KCND3: variants seen among roughly 807,000 people sequenced by gnomAD.
The protein encoded by KCND3 is A-type voltage-gated potassium channel KCND3.
In KCND3, 9 loss-of-function variants were observed where a neutral mutation model predicts 51.1. That is an observed-to-expected ratio of 0.18 (90% confidence interval 0.11 to 0.31). The LOEUF (loss-of-function observed/expected upper bound fraction) is 0.31, where lower values mean the gene tolerates loss of function less well. Ranked by LOEUF, KCND3 falls within the 10% of genes least tolerant of loss-of-function variation. The pLI is 1.00. For missense variants in KCND3, 526 were observed against 903.8 expected (o/e 0.58, Z 5.36); for synonymous variants, 349 against 368.0 (o/e 0.95, Z 0.59).
intron 2 of KCND3, among the ~76,000 whole-genome samples, chr1:111,945,492 C>T (rs986490349): frequency 1.3e-5 from 2 of 152,202 alleles, no homozygotes; most frequent in African/African-American, 2.4e-5. Context: ...AACAATCCCA[C>T]GAAGCAGGCA....
At chr1:111,884,301 A>G (rs1363428724) in intron 2 of KCND3, among the ~76,000 whole-genome samples, 3 of 152,134 alleles carry the variant, frequency 2.0e-5, no homozygotes, top group Non-Finnish European at 4.4e-5. Flanking sequence ...TCCATTTGTC[A>G]AGGTTTTTCA....
chr1:111,837,466 C>T (rs1667117803), intron 2 of KCND3, among the ~76,000 whole-genome samples: 2 of 152,174 alleles, frequency 1.3e-5, no homozygotes, highest in Non-Finnish European at 2.9e-5. Flanking sequence ...TCATTATTAG[C>T]CCAATTTATA....
At chr1:111,881,647 C>A (rs1306129038) in intron 2 of KCND3, among the ~76,000 whole-genome samples, 1 of 152,192 alleles carries the variant, frequency 6.6e-6, no homozygotes, top group African/African-American at 2.4e-5. Context: ...CGGGGCAGCC[C>A]CTGGGGCAGG....
chr1:111,839,799 A>G (rs1373678649), intron 2 of KCND3, among the ~76,000 whole-genome samples: 1 of 152,270 alleles, frequency 6.6e-6, no homozygotes, highest in Non-Finnish European at 1.5e-5. Flanking sequence ...CACAAAGCTG[A>G]GATTCAACCA....
intron 2 of KCND3, among the ~76,000 whole-genome samples, chr1:111,883,416 G>A (rs879440338): frequency 1.3e-5 from 2 of 152,148 alleles, no homozygotes; most frequent in African/African-American, 4.8e-5. Flanking sequence ...CTTCTCTTTC[G>A]TTTTTGCCCT....
chr1:111,786,535 T>C (rs969807936), intron 3 of KCND3, among the ~76,000 whole-genome samples: 4 of 102,980 alleles, frequency 3.9e-5, no homozygotes, highest in Non-Finnish European at 6.0e-5. Flanking sequence ...TTTATTTTTC[T>C]TTTCAACAAA....
Position 111,803,892 on chromosome 1 carries a change from GACAA to G in KCND3, c.1107-16790_1107-16787del, listed in dbSNP as rs553521933. Among the ~76,000 whole-genome samples the G allele has an allele frequency of 5.3e-5, 8 of 152,184 alleles. 1 individual carries two copies. Among genetic ancestry groups the G allele is most frequent in the Admixed American group, 2.6e-4 (4 of 15,282 alleles). On this transcript the variant is annotated intron_variant, in intron 2 of 7. Transcript: ENST00000302127. ...AGGCCACTACTCATTTTGCGCATGT[GACAA>G]ACAGTCCTGCAAAATCCCTCCTGCC...
intron 2 of KCND3, among the ~76,000 whole-genome samples, chr1:111,839,187 T>C (rs1667213802): frequency 6.6e-6 from 1 of 152,240 alleles, no homozygotes; most frequent in Non-Finnish European, 1.5e-5. Flanking sequence ...TTGTTCCATG[T>C]GCTTTCTCAA....
intron 2 of KCND3, among the ~76,000 whole-genome samples, chr1:111,811,713 C>T (rs1665858680): frequency 6.6e-6 from 1 of 152,186 alleles, no homozygotes; most frequent in Admixed American, 6.5e-5. Context: ...CTACATAAGA[C>T]AAAGCCTTCA....
At chr1:111,980,284 AGAAGTAAAGG>A (rs995643828) in intron 2 of KCND3, among the ~76,000 whole-genome samples, 2 of 151,036 alleles carry the variant, frequency 1.3e-5, no homozygotes, top group African/African-American at 4.9e-5. Flanking sequence ...CAGACAGATA[AGAAGTAAAGG>A]GAATGCCCCA....
intron 2 of KCND3, among the ~76,000 whole-genome samples, chr1:111,811,302 C>T (rs1401584375): frequency 6.6e-6 from 1 of 152,140 alleles, no homozygotes; most frequent in East Asian, 1.9e-4. Context: ...TACATTGTCT[C>T]TGTGTCCTGT....
rs1308785952 is a variant in KCND3 at position 111,915,966 on chromosome 1, C to A, written c.1106+65655G>T. On this transcript the variant is annotated intron_variant, in intron 2 of 7. Coordinates refer to ENST00000302127, the MANE Select transcript of KCND3 (RefSeq NM_001378969.1). ...TAAAGAAAGGAGAAATAGACAAAAC[C>A]ACACCTATAGTTGAAAATTTAAGCA... Among the ~76,000 whole-genome samples, 92 of 151,484 alleles carry A rather than the reference C, an allele frequency of 6.1e-4. 1 individual carries two copies. Among genetic ancestry groups the A allele is most frequent in the Admixed American group, 5.7e-3 (86 of 15,208 alleles).
At chr1:111,967,105 A>T (rs911894991) in intron 2 of KCND3, among the ~76,000 whole-genome samples, 5 of 151,010 alleles carry the variant, frequency 3.3e-5, no homozygotes, top group African/African-American at 7.3e-5. Context: ...ACGCCATTGC[A>T]CTTCAGCTTG....
rs1664035387 is a variant in KCND3, at chr1:111,774,619, G to A, written c.*1458C>T. 2 of 152,248 alleles carry A rather than the reference G, an allele frequency of 1.3e-5. No homozygotes were observed. The highest frequency in any genetic ancestry group is 4.1e-4 in the South Asian group (2 of 4,834). 9.4% of individuals were successfully genotyped at this position (152,248 alleles called of 1,614,324 possible). A position where few individuals can be genotyped will look rare whatever the true frequency, so the allele number is the denominator to read the frequency against. Reference sequence around the variant, plus strand: ...GCATCTTCAGGGAGATCAGGCCGAAGCCTCTTCAGACATCAAGGCATCTTT... The same window carrying A: ...GCATCTTCAGGGAGATCAGGCCGAAACCTCTTCAGACATCAAGGCATCTTT... On this transcript the variant is annotated 3_prime_UTR_variant, in exon 8 of 8. Coordinates refer to ENST00000302127, the MANE Select transcript of KCND3 (RefSeq NM_001378969.1).
At chr1:111,800,644 A>T (rs951567970) in intron 2 of KCND3, among the ~76,000 whole-genome samples, 1 of 151,970 alleles carries the variant, frequency 6.6e-6, no homozygotes, top group Non-Finnish European at 1.5e-5. Flanking sequence ...CTATGGATGC[A>T]TTGGCTCAGA....
chr1:111,861,816 A>G (rs1366519265), intron 2 of KCND3, among the ~76,000 whole-genome samples: 3 of 152,216 alleles, frequency 2.0e-5, no homozygotes, highest in African/African-American at 7.2e-5. Flanking sequence ...TCCTTATGCC[A>G]TCTATCAGCG....
chr1:111,894,600 C>T (rs566374110), intron 2 of KCND3, among the ~76,000 whole-genome samples: 197 of 152,278 alleles, frequency 1.3e-3, no homozygotes, highest in African/African-American at 1.9e-3. Flanking sequence ...ACTCTCTTCC[C>T]GGGAATGAAG....
intron 1 of KCND3, among the ~76,000 whole-genome samples, chr1:111,983,992 C>T (rs901806316): frequency 1.6e-4 from 24 of 152,318 alleles, no homozygotes; most frequent in African/African-American, 5.5e-4. Flanking sequence ...TGTGGTGACA[C>T]GGAAACACAC....
intron 3 of KCND3, among the ~76,000 whole-genome samples, chr1:111,784,185 G>A (rs1017222537): frequency 2.0e-5 from 3 of 151,460 alleles, no homozygotes; most frequent in African/African-American, 7.3e-5. Flanking sequence ...AAGATTGGTA[G>A]GTTGTACAAT....
Sources: gnomAD v4.1 joint callset for allele counts (sites outside exome capture counted in the v4.1 genomes callset) on GRCh38, gnomAD v4.1.1 for gene constraint, MANE v1.5 for transcripts, NCBI Gene and HGNC (gene_info 2026-07-23, HGNC 2026-07-21) for gene names.